ZNF564: variants seen among roughly 807,000 people sequenced by gnomAD.
ZNF564 encodes zinc finger protein 564.
ZNF564 carries 5 observed loss-of-function variants against 10.5 expected under a neutral mutation model. That is an observed-to-expected ratio of 0.48 (90% CI 0.25 to 1.00). The LOEUF is 1.00. Ranked by LOEUF, ZNF564 falls within the 50% of genes least tolerant of loss-of-function variation. The pLI is 0.16. For synonymous variants in ZNF564, 242 were observed against 218.1 expected (o/e 1.11, Z -0.97); for missense variants, 603 against 669.7 (o/e 0.90, Z 1.10).
chr19:12,546,264 C>T (rs1599287838), intron 1 of ZNF564, among the ~76,000 whole-genome samples: 1 of 152,310 alleles, frequency 6.6e-6, no homozygotes, highest in South Asian at 2.1e-4. Flanking sequence ...GGATACAAAA[C>T]CAAATTGCTG....
At chr19:12,540,698 C>CA (rs1225078423) in intron 1 of ZNF564, among the ~76,000 whole-genome samples, 2 of 151,996 alleles carry the variant, frequency 1.3e-5, no homozygotes, top group South Asian at 2.1e-4. Flanking sequence ...ACTAAAAACA[C>CA]AAAAAATTAG....
rs747181821 is a variant in ZNF564, at chr19:12,527,278, C to G, written c.830G>C (p.Gly277Ala). The G allele has an allele frequency of 6.2e-7, 1 of 1,614,088 alleles. No individual in the cohort carries two copies. The change falls in exon 4 of 4, where the codon GGA (glycine) becomes GCA (alanine). Residue 277 changes from glycine (G) to alanine (A), a missense_variant. Coordinates refer to ENST00000339282, the MANE Select transcript of ZNF564 (RefSeq NM_144976.4). ...LFRIHERTHT[G>A]EKPHECKQCG... ...CTGTTTACATTCATGGGGTTTCTCT[C>G]CAGTATGAGTTCTTTCATGTATTCG...
Position 12,525,769 on chromosome 19 carries a change from T to A in ZNF564, c.*677A>T, listed in dbSNP as rs1210335003. ...TCTCATGGTTTGGGAGGCTGGGAAG[T>A]CCAATATCAAGGCACTGGCATAGTC... On this transcript the variant is annotated 3_prime_UTR_variant, in exon 4 of 4. Coordinates refer to ENST00000339282, the MANE Select transcript of ZNF564 (RefSeq NM_144976.4). 1 of 152,152 alleles carries A rather than the reference T, an allele frequency of 6.6e-6. No homozygotes were observed. Among genetic ancestry groups the A allele is most frequent in the Non-Finnish European group, 1.5e-5 (1 of 68,042 alleles). 9.4% of individuals were successfully genotyped at this position (152,152 alleles called of 1,614,324 possible). A position where few individuals can be genotyped will look rare whatever the true frequency, so the allele number is the denominator to read the frequency against.
chr19:12,528,803 C>T (rs1599277053), intron 1 of ZNF564, 107 bp from the exon 2 acceptor site: 4 of 1,297,682 alleles, frequency 3.1e-6, no homozygotes, highest in Non-Finnish European at 4.2e-6. Flanking sequence ...GTGGCTCATG[C>T]CTGTAATCCC....
chr19:12,548,662 A>G (rs2022197512), intron 1 of ZNF564: 1 of 615,396 alleles, frequency 1.6e-6, no homozygotes, highest in Admixed American at 2.7e-5. Flanking sequence ...TCTATAGCTT[A>G]AACATGAAAA....
chr19:12,528,076 C>T (rs1312593910), intron 3 of ZNF564, among the ~76,000 whole-genome samples, 160 bp from the exon 4 acceptor site: 2 of 152,128 alleles, frequency 1.3e-5, no homozygotes, highest in African/African-American at 2.4e-5. Context: ...GAGAGCTTGA[C>T]AGTAGCTATC....
chr19:12,539,582 C>T (rs1427445567), intron 1 of ZNF564, among the ~76,000 whole-genome samples: 8 of 146,864 alleles, frequency 5.4e-5, no homozygotes, highest in Admixed American at 1.4e-4. Context: ...GCAGGAGAAT[C>T]GCTTGAACCC....
At chr19:12,546,439 A>G (rs1407948630) in intron 1 of ZNF564, among the ~76,000 whole-genome samples, 1 of 152,228 alleles carries the variant, frequency 6.6e-6, no homozygotes, top group African/African-American at 2.4e-5. Context: ...TAAGAAAGCC[A>G]GACAGGCGGC....
Position 12,527,585 on chromosome 19 carries a change from C to G in ZNF564, c.523G>C (p.Gly175Arg). The G allele has an allele frequency of 6.2e-7, 1 of 1,614,176 alleles. No individual in the cohort carries two copies. Among genetic ancestry groups the G allele is most frequent in the African/African-American group, 1.3e-5 (1 of 75,048 alleles). Residue 175 changes from glycine to arginine, a missense_variant, in exon 4 of 4, where the codon GGG becomes CGG. Transcript: ENST00000339282. ...CTTGGGAGAGAAATGAAGGCTTTCC[C>G]ACATTCCGGACATGCATAGGGTTTC... ...GEKPYACPEC[G>R]KAFISLPSVR...
At chr19:12,530,949 T>G (rs988260738) in intron 1 of ZNF564, among the ~76,000 whole-genome samples, 3 of 152,068 alleles carry the variant, frequency 2.0e-5, no homozygotes, top group African/African-American at 7.2e-5. Flanking sequence ...AAATTTTTTG[T>G]AGAGATGGGG....
intron 1 of ZNF564, among the ~76,000 whole-genome samples, chr19:12,532,116 G>A (rs1008661528): frequency 6.6e-6 from 1 of 152,158 alleles, no homozygotes; most frequent in African/African-American, 2.4e-5. Context: ...TTAGGAGGCT[G>A]AGATGGAGGA....
Position 12,527,865 on chromosome 19 carries a change from T to C in ZNF564, c.243A>G (p.Gly81=). Reference sequence around the variant, plus strand: ...GATTGAGAATCTGACTGAAGGCTTCTCCACATTGATCATATTCTTTACTTT... The same window carrying C: ...GATTGAGAATCTGACTGAAGGCTTCCCCACATTGATCATATTCTTTACTTT... ...LSESKEYDQC[G]EAFSQILNLN... The change falls in exon 4 of 4, where the codon GGA becomes GGG. Residue 81 remains glycine, a synonymous_variant. Coordinates refer to ENST00000339282, the MANE Select transcript of ZNF564 (RefSeq NM_144976.4). The C allele has an allele frequency of 1.2e-6, 2 of 1,613,422 alleles. No individual in the cohort carries two copies. Among genetic ancestry groups the C allele is most frequent in the Non-Finnish European group, 1.7e-6 (2 of 1,179,610 alleles).
intron 1 of ZNF564, chr19:12,548,729 GACA>G (rs1189029094): frequency 4.3e-6 from 3 of 694,554 alleles, no homozygotes; most frequent in Non-Finnish European, 7.9e-6. Flanking sequence ...TTACTTCCAT[GACA>G]ACTTCTTTAC....
intron 1 of ZNF564, among the ~76,000 whole-genome samples, chr19:12,540,900 T>A (rs2022032653): frequency 6.6e-6 from 1 of 150,448 alleles, no homozygotes; most frequent in South Asian, 2.1e-4. Context: ...TAGTCCCAGC[T>A]ACTCGAGAGG....
intron 1 of ZNF564, among the ~76,000 whole-genome samples, chr19:12,538,960 G>A (rs1024440270): frequency 1.3e-5 from 2 of 149,652 alleles, no homozygotes; most frequent in African/African-American, 4.9e-5. Context: ...AGGCGTGGTG[G>A]CTCACGTCTG....
chr19:12,529,006 G>A (rs114247489), intron 1 of ZNF564, among the ~76,000 whole-genome samples: 2,339 of 152,212 alleles, frequency 0.015, 65 homozygotes, highest in African/African-American at 0.053. Flanking sequence ...CAGAGGTTAC[G>A]GTGAACCAAG....
At position 12,548,239 on chromosome 19, in the gene ZNF564, A is replaced by G. The variant is rs373157437; in HGVS notation, c.3+3091T>C. On this transcript the variant is annotated intron_variant, in intron 1 of 3. Coordinates refer to ENST00000339282, the MANE Select transcript of ZNF564 (RefSeq NM_144976.4). Reference sequence around the variant, plus strand: ...TATTCTTTTTTTTTTTTTTTTTGAGACGGAGTCTAGCTCTGTCGCCCAGGC... The same window carrying G: ...TATTCTTTTTTTTTTTTTTTTTGAGGCGGAGTCTAGCTCTGTCGCCCAGGC... 5.3e-5 allele frequency: 45 copies of G among 854,776 alleles called. No homozygotes were observed. In the South Asian group the frequency reaches 2.1e-3, roughly 39 times the overall value. The allele number at this position is 854,776 out of a possible 1,614,324, so 52.9% of individuals were successfully genotyped here.
In ZNF564 at chr19:12,526,353, G is replaced by A. The variant is rs2021680071; in HGVS notation, c.*93C>T. 19 of 1,274,138 alleles carry A rather than the reference G, an allele frequency of 1.5e-5. No individual in the cohort carries two copies. Among genetic ancestry groups the A allele is most frequent in the Non-Finnish European group, 1.9e-5 (18 of 924,380 alleles). The allele number at this position is 1,274,138 out of a possible 1,614,324, so 78.9% of individuals were successfully genotyped here. ...TCCAAAAGTGAGAAACAGGAGAAAG[G>A]GGTGAGCTCCCAAACAAGTCTGAAA... On this transcript the variant is annotated 3_prime_UTR_variant, in exon 4 of 4. Transcript: ENST00000339282.
chr19:12,528,741 C>T, intron 1 of ZNF564, 45 bp from the exon 2 acceptor site: 1 of 1,588,166 alleles, frequency 6.3e-7, no homozygotes, highest in Non-Finnish European at 8.5e-7. Context: ...AATGAGATGA[C>T]AGTACAGGGA....
Sources: gnomAD v4.1 joint callset for allele counts (sites outside exome capture counted in the v4.1 genomes callset) on GRCh38, gnomAD v4.1.1 for gene constraint, MANE v1.5 for transcripts, NCBI Gene and HGNC (gene_info 2026-07-23, HGNC 2026-07-21) for gene names.